TMEM232: variants seen among roughly 807,000 people sequenced by gnomAD.
TMEM232 encodes transmembrane protein 232.
Under a neutral mutation model 78.8 loss-of-function variants are expected in TMEM232, and 80 were observed. The observed-to-expected ratio is 1.01, with a 90% confidence interval of 0.85 to 1.22. The LOEUF is 1.22. Among genes scored for constraint, TMEM232 ranks in the 50% most tolerant of loss-of-function variants. TMEM232 has a pLI of 0.00. For missense variants in TMEM232, 881 were observed against 742.2 expected, an observed-to-expected ratio of 1.19 and a Z score of -2.17; for synonymous variants, 297 against 254.3, an observed-to-expected ratio of 1.17 and a Z score of -1.60.
intron 12 of TMEM232, among the ~76,000 whole-genome samples, chr5:110,434,139 C>T (rs531536324): frequency 2.0e-5 from 3 of 149,622 alleles, no homozygotes; most frequent in Non-Finnish European, 4.5e-5. Context: ...GAAATTGAGA[C>T]CCCCCCAAAA....
chr5:110,451,592 T>G (rs1760284609), intron 12 of TMEM232, among the ~76,000 whole-genome samples: 3 of 152,160 alleles, frequency 2.0e-5, no homozygotes, highest in African/African-American at 7.2e-5. Context: ...TGATTTTGTT[T>G]ATACTATTCC....
chr5:110,412,058 A>C (rs547296129), intron 2 of TMEM232, among the ~76,000 whole-genome samples: 1 of 152,292 alleles, frequency 6.6e-6, no homozygotes, highest in East Asian at 1.9e-4. Flanking sequence ...TTGATCTCAG[A>C]GCTCTTCAGA....
At chr5:110,393,202 T>C (rs1159076500) in intron 3 of TMEM232, among the ~76,000 whole-genome samples, 1 of 152,226 alleles carries the variant, frequency 6.6e-6, no homozygotes, top group East Asian at 1.9e-4. Flanking sequence ...GTTCAAGTCT[T>C]CCACATCTTT....
intron 12 of TMEM232, among the ~76,000 whole-genome samples, chr5:110,483,182 T>C (rs1001525621): frequency 6.6e-6 from 1 of 151,838 alleles, no homozygotes; most frequent in Non-Finnish European, 1.5e-5. Context: ...AGGGAGCAAA[T>C]AGAGCTAGCA....
chr5:110,528,810 G>A lies in TMEM232; in HGVS notation c.1481C>T (p.Pro494Leu), dbSNP rs1335832386. 2 of 1,496,108 alleles carry A rather than the reference G, an allele frequency of 1.3e-6. No individual in the cohort carries two copies. The highest frequency in any genetic ancestry group is 5.0e-5 in the East Asian group (2 of 39,930). The allele number at this position is 1,496,108 out of a possible 1,614,324, so 92.7% of individuals were successfully genotyped here. A position where few individuals can be genotyped will look rare whatever the true frequency, so the allele number is the denominator to read the frequency against. Residue 494 changes from proline to leucine, a missense_variant, in exon 12 of 14, where the codon CCT becomes CTT. Transcript: ENST00000455884. The part of the protein sequence containing the change: ...AQAELNDPTD[P>L]FTRYSTNISS... ...AATATTTGTACTATATCTAGTGAAA[G>A]GATCAGTTGGGTCATTTAACTCAGC...
intron 5 of TMEM232, among the ~76,000 whole-genome samples, chr5:110,636,742 C>T (rs989911426): frequency 2.0e-5 from 3 of 151,874 alleles, no homozygotes; most frequent in African/African-American, 7.2e-5. Flanking sequence ...CATGAATAAT[C>T]CTCTTAGGAT....
chr5:110,462,800 G>A (rs1055329513), intron 12 of TMEM232, among the ~76,000 whole-genome samples: 18 of 152,028 alleles, frequency 1.2e-4, no homozygotes, highest in Non-Finnish European at 8.8e-5. Context: ...TTACAGTGAC[G>A]AAAACAACCA....
intron 7 of TMEM232, among the ~76,000 whole-genome samples, chr5:110,624,803 A>G (rs900807460): frequency 6.6e-6 from 1 of 152,122 alleles, no homozygotes; most frequent in African/African-American, 2.4e-5. Flanking sequence ...AAGGTAACAC[A>G]TAACATTATC....
chr5:110,550,027 T>C (rs574261851), intron 11 of TMEM232, among the ~76,000 whole-genome samples: 1 of 152,190 alleles, frequency 6.6e-6, no homozygotes, highest in Non-Finnish European at 1.5e-5. Flanking sequence ...AGAAATATTA[T>C]GGAACAATCA....
chr5:110,573,262 G>A (rs1441094135), intron 10 of TMEM232, among the ~76,000 whole-genome samples: 1 of 151,980 alleles, frequency 6.6e-6, no homozygotes, highest in East Asian at 1.9e-4. Flanking sequence ...AGCGAAATAT[G>A]AATATTTCTA....
intron 12 of TMEM232, among the ~76,000 whole-genome samples, chr5:110,499,644 C>CATATAT (rs1297338271): frequency 2.0e-5 from 3 of 147,302 alleles, no homozygotes; most frequent in African/African-American, 8.0e-5. Context: ...CCCACACACA[C>CATATAT]ACATATATAT....
At chr5:110,595,040 C>A (rs978417058) in intron 10 of TMEM232, among the ~76,000 whole-genome samples, 1 of 152,160 alleles carries the variant, frequency 6.6e-6, no homozygotes, top group African/African-American at 2.4e-5. Context: ...TGGCATCAGG[C>A]AGGTACCCCT....
At chr5:110,622,099 C>T (rs1022976106) in intron 7 of TMEM232, among the ~76,000 whole-genome samples, 2 of 152,150 alleles carry the variant, frequency 1.3e-5, no homozygotes, top group Admixed American at 1.3e-4. Flanking sequence ...TCTCCCAATA[C>T]AAAGTGTTAC....
intron 1 of TMEM232, among the ~76,000 whole-genome samples, chr5:110,702,887 G>A (rs1375318834): frequency 6.6e-6 from 1 of 151,988 alleles, no homozygotes; most frequent in Non-Finnish European, 1.5e-5. Flanking sequence ...TATTTACACT[G>A]ACAGACGTTA....
chr5:110,708,435 A>T (rs1357137218), intron 1 of TMEM232, among the ~76,000 whole-genome samples: 1 of 152,170 alleles, frequency 6.6e-6, no homozygotes, highest in African/African-American at 2.4e-5. Context: ...CATGCAGAAA[A>T]ATTCAGAATA....
At chr5:110,431,795 T>C (rs1172653241) in intron 12 of TMEM232, among the ~76,000 whole-genome samples, 3 of 151,444 alleles carry the variant, frequency 2.0e-5, no homozygotes, top group Non-Finnish European at 4.4e-5. Flanking sequence ...AAAAGAAGAT[T>C]GGTGAATTGG....
At chr5:110,685,746 A>G (rs1793317714) in intron 1 of TMEM232, among the ~76,000 whole-genome samples, 1 of 152,148 alleles carries the variant, frequency 6.6e-6, no homozygotes, top group African/African-American at 2.4e-5. Flanking sequence ...CAACTCAACC[A>G]TCTGTCAGTG....
At chr5:110,637,466 TTC>T (rs1418932896) in intron 5 of TMEM232, among the ~76,000 whole-genome samples, 40 of 151,914 alleles carry the variant, frequency 2.6e-4, no homozygotes, top group Non-Finnish European at 4.3e-4. Context: ...TTCATCAATG[TTC>T]TCTCATGCTC....
chr5:110,530,135 A>G (rs561006386), intron 11 of TMEM232, among the ~76,000 whole-genome samples: 2 of 152,342 alleles, frequency 1.3e-5, no homozygotes, highest in East Asian at 1.9e-4. Flanking sequence ...ATTACTGACG[A>G]AAGACTGATT....
Sources: gnomAD v4.1 joint callset for allele counts (sites outside exome capture counted in the v4.1 genomes callset) on GRCh38, gnomAD v4.1.1 for gene constraint, MANE v1.5 for transcripts, NCBI Gene and HGNC (gene_info 2026-07-23, HGNC 2026-07-21) for gene names.